Variants in ZNG1B observed in about 807,000 individuals in gnomAD.
ZNG1B encodes the protein Zn regulated GTPase metalloprotein activator 1B, also known as zinc-regulated GTPase metalloprotein activator 1B.
chr2:113,446,350 G>C, the ZNG1B span, among the ~76,000 whole-genome samples: 1 of 152,058 alleles, frequency 6.6e-6, no homozygotes, highest in Admixed American at 6.6e-5. Context: ...TTACAATAAA[G>C]ATTTTATTGT....
At chr2:113,463,246 G>C in the ZNG1B span, among the ~76,000 whole-genome samples, 2 of 152,078 alleles carry the variant, frequency 1.3e-5, no homozygotes, top group African/African-American at 4.8e-5. Context: ...GAATTATTTT[G>C]TAAGACCTGA....
chr2:113,477,239 C>T, the ZNG1B span, among the ~76,000 whole-genome samples: 3 of 152,262 alleles, frequency 2.0e-5, no homozygotes, highest in East Asian at 1.9e-4. Flanking sequence ...TTTTTAAGCC[C>T]GTCGGAAAAG....
chr2:113,460,346 T>G, the ZNG1B span, among the ~76,000 whole-genome samples: 1 of 152,226 alleles, frequency 6.6e-6, no homozygotes, highest in Non-Finnish European at 1.5e-5. Flanking sequence ...ACCTAAAATC[T>G]GAACTGTAAT....
chr2:113,438,895 T>C, the ZNG1B span: 1 of 1,334,432 alleles, frequency 7.5e-7, no homozygotes, highest in African/African-American at 1.5e-5. Context: ...CTTCGTGACC[T>C]TTTATGTAAA....
the ZNG1B span, among the ~76,000 whole-genome samples, chr2:113,476,675 G>C: frequency 6.6e-6 from 1 of 150,688 alleles, no homozygotes; most frequent in Admixed American, 6.6e-5. Flanking sequence ...TTTGATGATG[G>C]TGATGTACAG....
the ZNG1B span, among the ~76,000 whole-genome samples, chr2:113,467,078 AC>A: frequency 4.7e-5 from 7 of 149,932 alleles, no homozygotes; most frequent in South Asian, 8.3e-4. Context: ...AAAAAAAAAA[AC>A]AAACAAAAAA....
the ZNG1B span, among the ~76,000 whole-genome samples, chr2:113,493,117 A>G: frequency 7.5e-6 from 1 of 132,730 alleles, no homozygotes; most frequent in Middle Eastern, 3.5e-3. Flanking sequence ...TGTCACCCTT[A>G]CTAAAGCCAA....
chr2:113,477,991 A>C, the ZNG1B span, among the ~76,000 whole-genome samples: 32,896 of 151,648 alleles, frequency 0.22, 3,919 homozygotes, highest in East Asian at 0.52. Context: ...GCATATGGCA[A>C]GTTTTCCTTT....
At chr2:113,460,815 A>G in the ZNG1B span, 2 of 1,548,898 alleles carry the variant, frequency 1.3e-6, no homozygotes, top group Non-Finnish European at 1.7e-6. Flanking sequence ...ATTTTAAAAC[A>G]TAGTCAACGA....
At chr2:113,439,456 T>G in the ZNG1B span, among the ~76,000 whole-genome samples, 1 of 152,238 alleles carries the variant, frequency 6.6e-6, no homozygotes, top group Non-Finnish European at 1.5e-5. Flanking sequence ...TCCCAACCAT[T>G]TGTAATACTC....
the ZNG1B span, among the ~76,000 whole-genome samples, chr2:113,488,603 TAA>T: frequency 5.4e-5 from 7 of 128,708 alleles, no homozygotes; most frequent in East Asian, 4.2e-4. Flanking sequence ...TGTAAAGATA[TAA>T]AAAAAAAAAA....
the ZNG1B span, chr2:113,437,709 C>G: frequency 6.6e-7 from 1 of 1,512,666 alleles, no homozygotes. Context: ...AGGCGCTTCT[C>G]GTCCAGAGCC....
the ZNG1B span, among the ~76,000 whole-genome samples, chr2:113,438,304 G>T: frequency 6.6e-6 from 1 of 152,262 alleles, no homozygotes; most frequent in Non-Finnish European, 1.5e-5. Context: ...GATTGTCTCT[G>T]TGACCTCCTA....
chr2:113,454,091 T>G, the ZNG1B span, among the ~76,000 whole-genome samples: 17 of 152,120 alleles, frequency 1.1e-4, no homozygotes, highest in Non-Finnish European at 2.1e-4. Flanking sequence ...ATTTAAGAAT[T>G]ATTAAGCTGG....
the ZNG1B span, chr2:113,457,235 T>G: frequency 1.4e-5 from 6 of 431,296 alleles, no homozygotes; most frequent in Admixed American, 2.6e-5. Context: ...TTGGTTCCTC[T>G]GTTATATTGC....
chr2:113,475,705 C>A, the ZNG1B span, among the ~76,000 whole-genome samples: 2 of 152,000 alleles, frequency 1.3e-5, no homozygotes, highest in Admixed American at 1.3e-4. Flanking sequence ...AATCTCTCAG[C>A]ATTTGCTTGT....
chr2:113,461,623 A>G, the ZNG1B span, among the ~76,000 whole-genome samples: 1 of 151,624 alleles, frequency 6.6e-6, no homozygotes, highest in Admixed American at 6.6e-5. Context: ...TATCCTGTTA[A>G]TAGAAAATAG....
At chr2:113,444,876 G>A in the ZNG1B span, 5 of 1,567,068 alleles carry the variant, frequency 3.2e-6, no homozygotes, top group African/African-American at 1.4e-5. Flanking sequence ...TTTTGTCTTG[G>A]GTTGTTGAAT....
chr2:113,471,199 T>G, the ZNG1B span: 1 of 1,405,014 alleles, frequency 7.1e-7, no homozygotes, highest in Non-Finnish European at 9.8e-7. Flanking sequence ...CTGCCATTCC[T>G]TTGGCATACA....
Sources: allele counts gnomAD v4.1 joint callset (sites outside exome capture counted in the v4.1 genomes callset), GRCh38; gene constraint gnomAD v4.1.1; transcripts MANE v1.5; gene names NCBI Gene and HGNC (gene_info 2026-07-23, HGNC 2026-07-21).